Variants in BTRC observed in about 807,000 individuals in gnomAD.
BTRC encodes F-box/WD repeat-containing protein 1A.
A neutral mutation model predicts 85.5 loss-of-function variants in BTRC; 42 were observed. The observed-to-expected ratio is 0.49, with a 90% CI of 0.38 to 0.64. BTRC has a LOEUF of 0.64. Among genes scored for constraint, BTRC ranks in the 30% least tolerant of loss-of-function variants. BTRC has a pLI of 0.00. For missense variants in BTRC, 594 were observed against 743.5 expected (o/e 0.80, Z 2.34); for synonymous variants, 255 against 263.3 (o/e 0.97, Z 0.30).
At chr10:101,472,141 A>G (rs1038758690) in intron 3 of BTRC, among the ~76,000 whole-genome samples, 4 of 152,246 alleles carry the variant, frequency 2.6e-5, no homozygotes, top group Admixed American at 6.5e-5. Context: ...CTTTGAAACC[A>G]TTAGTTCACA....
intron 1 of BTRC, among the ~76,000 whole-genome samples, chr10:101,366,347 A>G (rs986981851): frequency 6.6e-6 from 1 of 152,144 alleles, no homozygotes; most frequent in African/African-American, 2.4e-5. Context: ...GTGAAGATAC[A>G]AAGTTGAATA....
chr10:101,376,279 T>G (rs758365779), intron 1 of BTRC, among the ~76,000 whole-genome samples: 13 of 152,232 alleles, frequency 8.5e-5, no homozygotes, highest in Middle Eastern at 3.4e-3. Context: ...GAGCCAAGAT[T>G]ATGCCACTGC....
At chr10:101,471,985 G>A (rs768542650) in intron 3 of BTRC, among the ~76,000 whole-genome samples, 33 of 152,200 alleles carry the variant, frequency 2.2e-4, no homozygotes, top group Non-Finnish European at 2.2e-4. Flanking sequence ...TATCTTCATC[G>A]TTCTGAGTAT....
At chr10:101,529,928 C>A (rs2062254674) in intron 6 of BTRC, among the ~76,000 whole-genome samples, 1 of 152,214 alleles carries the variant, frequency 6.6e-6, no homozygotes, top group Non-Finnish European at 1.5e-5. Context: ...CTTTGCAAGG[C>A]ACGGTGCCAG....
At chr10:101,483,705 G>T (rs149321432) in intron 4 of BTRC, among the ~76,000 whole-genome samples, 1 of 152,046 alleles carries the variant, frequency 6.6e-6, no homozygotes, top group East Asian at 1.9e-4. Flanking sequence ...CTTTCTCCTG[G>T]TTATGGCCCT....
chr10:101,452,504 T>A (rs1944976685), intron 2 of BTRC, among the ~76,000 whole-genome samples: 1 of 152,236 alleles, frequency 6.6e-6, no homozygotes, highest in African/African-American at 2.4e-5. Context: ...TCTTTGCAAA[T>A]ATACACAATC....
At chr10:101,360,865 CAGT>C (rs749341717) in intron 1 of BTRC, among the ~76,000 whole-genome samples, 9 of 152,174 alleles carry the variant, frequency 5.9e-5, no homozygotes, top group Non-Finnish European at 8.8e-5. Flanking sequence ...GCTCTGCCAT[CAGT>C]AGGCTGAGCT....
Position 101,354,255 on chromosome 10 carries a change from C to T in BTRC, c.48+27C>T, listed in dbSNP as rs1194631136. The T allele has an allele frequency of 2.6e-6, 4 of 1,547,754 alleles. No homozygotes were observed. In the African/African-American group the frequency reaches 4.1e-5, roughly 16 times the overall value. ...TGAGGAGACGGTGGAGGCCGGGGAA[C>T]GGTGGAGGCGCTGGCGTTGGCGGCG... On this transcript the variant is annotated intron_variant, in intron 1 of 14. Transcript: ENST00000370187.
At chr10:101,381,057 C>T (rs542253364) in intron 1 of BTRC, among the ~76,000 whole-genome samples, 81 of 152,214 alleles carry the variant, frequency 5.3e-4, no homozygotes, top group African/African-American at 1.8e-3. Flanking sequence ...TCTGACCATA[C>T]TTGACTGAAG....
At chr10:101,414,154 A>G (rs1943859837) in intron 1 of BTRC, among the ~76,000 whole-genome samples, 1 of 152,210 alleles carries the variant, frequency 6.6e-6, no homozygotes, top group South Asian at 2.1e-4. Flanking sequence ...GCTCCTGGCA[A>G]CCACCATCCT....
At chr10:101,389,419 C>T (rs1943179960) in intron 1 of BTRC, among the ~76,000 whole-genome samples, 1 of 151,950 alleles carries the variant, frequency 6.6e-6, no homozygotes, top group Non-Finnish European at 1.5e-5. Context: ...TGTCTCCACA[C>T]AATAGCCAGA....
At chr10:101,390,715 G>A (rs1943216088) in intron 1 of BTRC, among the ~76,000 whole-genome samples, 1 of 151,786 alleles carries the variant, frequency 6.6e-6, no homozygotes, top group Non-Finnish European at 1.5e-5. Flanking sequence ...TAAAAAAAAA[G>A]CAGCCTGCCA....
In BTRC at chr10:101,498,851, G is replaced by A. The variant is rs1334337518; in HGVS notation, c.324+19394G>A. On this transcript the variant is annotated intron_variant, in intron 4 of 14. Transcript: ENST00000370187. Reference sequence around the variant, plus strand: ...ACTAAAAATACAAAAAAAGTAGCTGGGTGTAGTGGTGCGCGCCTGTAATCC... The same window carrying A: ...ACTAAAAATACAAAAAAAGTAGCTGAGTGTAGTGGTGCGCGCCTGTAATCC... 2.6e-5 allele frequency among the ~76,000 whole-genome samples: 4 copies of A among 152,036 alleles called. No homozygotes were observed. In the East Asian group the frequency reaches 7.8e-4, roughly 29 times the overall value.
chr10:101,397,666 T>C (rs949539101), intron 1 of BTRC, among the ~76,000 whole-genome samples: 1 of 152,138 alleles, frequency 6.6e-6, no homozygotes, highest in Non-Finnish European at 1.5e-5. Flanking sequence ...AAAAATAGGG[T>C]GTTTTCCTTT....
intron 3 of BTRC, among the ~76,000 whole-genome samples, chr10:101,463,869 A>G (rs1945294625): frequency 1.3e-5 from 2 of 152,116 alleles, no homozygotes. Context: ...ACTATATGTT[A>G]AATGTTTTTT....
Position 101,555,619 on chromosome 10 carries a change from A to G in BTRC, c.*2496A>G, listed in dbSNP as rs1255854985. ...TTAAAAGTTCATTTCCAGAGAAGGT[A>G]AACCCCACTTACCATCTCTGCATGA... On this transcript the variant is annotated 3_prime_UTR_variant, in exon 15 of 15. Coordinates refer to ENST00000370187, the MANE Select transcript of BTRC (RefSeq NM_033637.4). 2 of 152,760 alleles carry G rather than the reference A, an allele frequency of 1.3e-5. No individual in the cohort carries two copies. The highest frequency in any genetic ancestry group is 2.4e-5 in the African/African-American group (1 of 41,576). The allele number at this position is 152,760 out of a possible 1,614,324, so 9.5% of individuals were successfully genotyped here.
intron 4 of BTRC, among the ~76,000 whole-genome samples, chr10:101,518,562 G>A (rs2062056601): frequency 6.6e-6 from 1 of 152,186 alleles, no homozygotes; most frequent in South Asian, 2.1e-4. Context: ...TTCATGTAGA[G>A]GGAGGGCTGG....
At chr10:101,368,048 T>C (rs1472909273) in intron 1 of BTRC, among the ~76,000 whole-genome samples, 1 of 152,224 alleles carries the variant, frequency 6.6e-6, no homozygotes, top group Non-Finnish European at 1.5e-5. Flanking sequence ...CCAAGTCTCA[T>C]GTTGAAATTT....
At chr10:101,487,343 C>A (rs1229223379) in intron 4 of BTRC, among the ~76,000 whole-genome samples, 1 of 152,162 alleles carries the variant, frequency 6.6e-6, no homozygotes, top group Non-Finnish European at 1.5e-5. Context: ...CAGGATTTTT[C>A]AGAATATCCT....
Sources: gnomAD v4.1 joint callset for allele counts (sites outside exome capture counted in the v4.1 genomes callset) on GRCh38, gnomAD v4.1.1 for gene constraint, MANE v1.5 for transcripts, NCBI Gene and HGNC (gene_info 2026-07-23, HGNC 2026-07-21) for gene names.